The following BRSK2 variants were observed in gnomAD, a reference collection of about 807,000 sequenced individuals.
BRSK2 encodes the protein serine/threonine-protein kinase BRSK2.
BRSK2 carries 19 observed loss-of-function variants against 83.3 expected under a neutral mutation model. That is an observed-to-expected ratio of 0.23 (90% CI 0.16 to 0.33). The LOEUF (loss-of-function observed/expected upper bound fraction) is 0.33, where lower values mean the gene tolerates loss of function less well. BRSK2 is among the 10% of genes least tolerant of loss of function. The pLI, the probability that BRSK2 is intolerant of heterozygous loss-of-function variation, is 1.00. For synonymous variants in BRSK2, 519 were observed against 435.4 expected (o/e 1.19, Z -2.39); for missense variants, 798 against 1,042.3 (o/e 0.77, Z 3.23).
Position 1,436,144 on chromosome 11 carries a change from G to A in BRSK2, c.186+10G>A, listed in dbSNP as rs766346390. 2 of 1,159,272 alleles carry A rather than the reference G, an allele frequency of 1.7e-6. No individual in the cohort carries two copies. The highest frequency in any genetic ancestry group is 1.8e-5 in the South Asian group (1 of 56,114). The allele number at this position is 1,159,272 out of a possible 1,614,324, so 71.8% of individuals were successfully genotyped here. A position where few individuals can be genotyped will look rare whatever the true frequency, so the allele number is the denominator to read the frequency against. On this transcript the variant is annotated intron_variant, in intron 2 of 19. Transcript: ENST00000528841. ...GTCGGTGCTGATGAAGGTGGGTGGG[G>A]CCGGGGAGGGAGGCGGGGCCGGCGG...
chr11:1,456,327 C>T (rs375504058), intron 16 of BRSK2, 21 bp from the exon 17 acceptor site: 14 of 1,536,348 alleles, frequency 9.1e-6, no homozygotes, highest in African/African-American at 1.4e-5. Context: ...CAGCCACGCT[C>T]ACGCTGCTCT....
At chr11:1,435,010 G>A (rs948262910) in intron 1 of BRSK2, among the ~76,000 whole-genome samples, 4 of 151,640 alleles carry the variant, frequency 2.6e-5, no homozygotes, top group Non-Finnish European at 4.4e-5. Context: ...GCCGAGGCGC[G>A]GAGGGGGACC....
rs781603105 is a variant in BRSK2, at chr11:1,449,833, C to T, written c.1284C>T (p.Pro428=). 2 of 1,610,460 alleles carry T rather than the reference C, an allele frequency of 1.2e-6. No individual in the cohort carries two copies. Among genetic ancestry groups the T allele is most frequent in the Non-Finnish European group, 8.5e-7 (1 of 1,178,098 alleles). ...TTTCCACCAGCCCACTCAGCAGCCCCCGGGTGAGTGACCCCCCGCCCCCAC... is the reference window on the plus strand; with the variant it reads ...TTTCCACCAGCCCACTCAGCAGCCCTCGGGTGAGTGACCCCCCGCCCCCAC... The part of the protein sequence containing the change: ...SGLSTSPLSS[P]RVTPHPSPRG... Residue 428 remains proline, a synonymous_variant, in exon 13 of 20, where the codon CCC becomes CCT. Coordinates refer to ENST00000528841, the MANE Select transcript of BRSK2 (RefSeq NM_001256627.2).
intron 1 of BRSK2, chr11:1,410,692 C>T (rs1381050266): frequency 2.0e-6 from 2 of 985,334 alleles, no homozygotes; most frequent in African/African-American, 1.7e-5. Context: ...GACGCCCACC[C>T]TCAGGAGCCC....
intron 1 of BRSK2, among the ~76,000 whole-genome samples, chr11:1,398,707 GCCTTTCCCCAGGGCAGC>G (rs1846275012): frequency 6.6e-6 from 1 of 152,184 alleles, no homozygotes; most frequent in Non-Finnish European, 1.5e-5. Flanking sequence ...GTCCGCATAG[GCCTTTCCCCAGGGCAGC>G]CCTTTCCCCA....
At chr11:1,449,967 CCTGTGGCGGCTGCTGCT>C (rs1303836034) in intron 13 of BRSK2, 131 bp downstream of exon 13, 4 of 629,904 alleles carry the variant, frequency 6.4e-6, no homozygotes, top group African/African-American at 1.8e-5. Context: ...TGCCCACGCT[CCTGTGGCGGCTGCTGCT>C]CTGTGGCGCA....
intron 15 of BRSK2, among the ~76,000 whole-genome samples, chr11:1,453,672 G>C (rs978233104): frequency 2.0e-5 from 3 of 152,246 alleles, no homozygotes; most frequent in Admixed American, 2.0e-4. Context: ...GCAAGGGAAA[G>C]GGGAGTTGTG....
At chr11:1,459,109 A>C (rs1198179869) in intron 18 of BRSK2, 83 bp from the exon 19 acceptor site, 57 of 963,962 alleles carry the variant, frequency 5.9e-5, no homozygotes, top group East Asian at 3.9e-4. Context: ...CCCCCTCCCC[A>C]TCGAGGCTGT....
intron 1 of BRSK2, among the ~76,000 whole-genome samples, chr11:1,407,030 G>GC (rs1414164477): frequency 6.6e-6 from 1 of 152,200 alleles, no homozygotes; most frequent in African/African-American, 2.4e-5. Context: ...AGGATGACAG[G>GC]CGGAGGCTCC....
At chr11:1,414,108 C>T (rs1432845616) in intron 1 of BRSK2, among the ~76,000 whole-genome samples, 3 of 152,232 alleles carry the variant, frequency 2.0e-5, no homozygotes, top group African/African-American at 4.8e-5. Context: ...TGCCTTCAAA[C>T]ATAAAGATAT....
intron 19 of BRSK2, 82 bp from the exon 20 acceptor site, chr11:1,460,418 T>C: frequency 2.1e-6 from 2 of 947,552 alleles, no homozygotes; most frequent in Non-Finnish European, 1.4e-6. Flanking sequence ...TTCTCTCTCC[T>C]TCCCTCCCCT....
chr11:1,451,396 C>T lies in BRSK2; in HGVS notation c.1521C>T (p.Asn507=). Residue 507 remains asparagine (N), a synonymous_variant, in exon 15 of 20, where the codon AAC becomes AAT. Transcript: ENST00000528841. ...LQVPTPEEMS[N]LTPESSPELA... is the part of the protein sequence containing the mutation. ...TTCCGACGCCGGAGGAGATGTCCAA[C>T]CTGACACCAGAGTCGTCCCCAGAGT... 1 of 1,612,990 alleles carries T rather than the reference C, an allele frequency of 6.2e-7. No homozygotes were observed.
At position 1,404,845 on chromosome 11, in the gene BRSK2, C is replaced by T. The variant is rs573905287; in HGVS notation, c.91+14470C>T. On this transcript the variant is annotated intron_variant, in intron 1 of 19. Coordinates refer to ENST00000528841, the MANE Select transcript of BRSK2 (RefSeq NM_001256627.2). ...GCTCCTCTGGGACAGGCAGGCTCGC[C>T]GGGCTGGGGGCAGGGCTCAGCACTC... Among the ~76,000 whole-genome samples the T allele has an allele frequency of 5.4e-4, 82 of 152,224 alleles. 1 individual carries two copies. The highest frequency in any genetic ancestry group is 2.1e-3 in the Admixed American group (32 of 15,310).
At chr11:1,449,416 C>T (rs1056503561) in intron 12 of BRSK2, among the ~76,000 whole-genome samples, 3 of 152,248 alleles carry the variant, frequency 2.0e-5, no homozygotes, top group Admixed American at 6.5e-5. Context: ...AGCACGAGGC[C>T]TGGAGCAGAA....
Position 1,454,534 on chromosome 11 carries a change from G to GAGC in BRSK2, c.1597_1599dup (p.Gln533dup). On this transcript the variant is annotated inframe_insertion, in exon 16 of 20. Transcript: ENST00000528841. The surrounding 1 kb of genome is among the most constrained non-coding windows in gnomAD (Gnocchi z 5.2). ...GAACTTCATCAGCCTGGAGAAGGAGGAGCAGATCTTCGTGGTCATCAAAGA... is the reference window on the plus strand; with the variant it reads ...GAACTTCATCAGCCTGGAGAAGGAGGAGCAGCAGATCTTCGTGGTCATCAAAGA... The GAGC allele has an allele frequency of 6.2e-6, 10 of 1,613,338 alleles. No homozygotes were observed. The highest frequency in any genetic ancestry group is 8.5e-6 in the Non-Finnish European group (10 of 1,179,964).
rs565235468 is a variant in BRSK2 at position 1,450,376 on chromosome 11, C to G, written c.1288-211C>G. ...CCGCCCTGCGGCCCGACCCCAAGAC[C>G]CAGACCTTGCCGTGCAAGGCCAAGC... On this transcript the variant is annotated intron_variant, in intron 13 of 19. Transcript: ENST00000528841. Among the ~76,000 whole-genome samples, 6 of 152,286 alleles carry G rather than the reference C, an allele frequency of 3.9e-5. No individual in the cohort carries two copies. In the South Asian group the frequency reaches 1.2e-3, roughly 32 times the overall value.
At chr11:1,401,794 C>G (rs1846497076) in intron 1 of BRSK2, among the ~76,000 whole-genome samples, 1 of 152,230 alleles carries the variant, frequency 6.6e-6, no homozygotes, top group Non-Finnish European at 1.5e-5. Context: ...CCAGCACCAG[C>G]CGTGCTGAAG....
rs1197638237 is a variant in BRSK2 at position 1,437,604 on chromosome 11, C to T, written c.187-702C>T. ...CAGCTGGGAGCCTGTGGATGGGGGG[C>T]ACGTGCCCTGCCCACGGCCTGCACA... On this transcript the variant is annotated intron_variant, in intron 2 of 19. Transcript: ENST00000528841. Among the ~76,000 whole-genome samples the T allele has an allele frequency of 6.6e-5, 10 of 152,306 alleles. No individual in the cohort carries two copies. The South Asian group carries it at 2.1e-3, about 32-fold the overall frequency.
At chr11:1,444,913 A>C (rs2133113938) in intron 8 of BRSK2, 58 bp from the exon 9 acceptor site, 1 of 1,539,252 alleles carries the variant, frequency 6.5e-7, no homozygotes, top group Middle Eastern at 1.7e-4. Context: ...CTCACCTCCT[A>C]ATGTGGGCTC....
Sources: allele counts gnomAD v4.1 joint callset (sites outside exome capture counted in the v4.1 genomes callset), GRCh38; gene constraint gnomAD v4.1.1; non-coding constraint Gnocchi (gnomAD v3.1); transcripts MANE v1.5; gene names NCBI Gene and HGNC (gene_info 2026-07-23, HGNC 2026-07-21).